Variants in TNFAIP8 observed in about 807,000 individuals in gnomAD.
The protein encoded by TNFAIP8 is tumor necrosis factor alpha-induced protein 8.
TNFAIP8 carries 7 observed loss-of-function variants against 13.3 expected under a neutral mutation model. The ratio of observed to expected loss-of-function variants is 0.52; its 90% CI spans 0.30 to 0.99. The LOEUF (loss-of-function observed/expected upper bound fraction) is 0.99, where lower values mean the gene tolerates loss of function less well. Among genes scored for constraint, TNFAIP8 ranks in the 50% least tolerant of loss-of-function variants. The probability of loss-of-function intolerance (pLI) is 0.07; values close to 1 mark genes in which losing one functional copy is unlikely to be tolerated. For missense variants in TNFAIP8, 258 were observed against 236.9 expected, an observed-to-expected ratio of 1.09 and a Z score of -0.58; for synonymous variants, 94 against 87.6, an observed-to-expected ratio of 1.07 and a Z score of -0.41.
At chr5:119,321,283 A>G (rs935374660) in intron 1 of TNFAIP8, among the ~76,000 whole-genome samples, 1 of 152,164 alleles carries the variant, frequency 6.6e-6, no homozygotes, top group Non-Finnish European at 1.5e-5. Flanking sequence ...ACTTGTGGGC[A>G]TCAGTTTTTG....
intron 1 of TNFAIP8, among the ~76,000 whole-genome samples, chr5:119,328,929 T>TGCCAGCATATTTATTGCA: frequency 6.6e-6 from 1 of 152,232 alleles, no homozygotes; most frequent in Non-Finnish European, 1.5e-5. Flanking sequence ...CACATTCAAG[T>TGCCAGCATATTTATTGCA]GCCAGCATAT....
chr5:119,291,672 T>G (rs995541938), intron 1 of TNFAIP8, among the ~76,000 whole-genome samples: 4 of 152,232 alleles, frequency 2.6e-5, no homozygotes, highest in Non-Finnish European at 5.9e-5. Flanking sequence ...ATAAAATTCC[T>G]TTTTAGGATT....
chr5:119,346,111 G>A (rs1750893252), intron 1 of TNFAIP8, among the ~76,000 whole-genome samples: 1 of 152,176 alleles, frequency 6.6e-6, no homozygotes, highest in South Asian at 2.1e-4. Flanking sequence ...TCCTGGGCTG[G>A]CAGAGAAGTC....
intron 1 of TNFAIP8, among the ~76,000 whole-genome samples, chr5:119,383,823 A>G (rs1752574406): frequency 6.6e-6 from 1 of 152,212 alleles, no homozygotes. Flanking sequence ...GTTTTAGGTT[A>G]TATTTTAAAA....
intron 1 of TNFAIP8, among the ~76,000 whole-genome samples, chr5:119,358,260 A>T (rs1751510372): frequency 6.6e-6 from 1 of 152,298 alleles, no homozygotes; most frequent in Admixed American, 6.5e-5. Flanking sequence ...TCTCAACTGT[A>T]GTGAGAGACT....
At chr5:119,313,810 C>A (rs1335828377) in intron 1 of TNFAIP8, among the ~76,000 whole-genome samples, 1 of 152,224 alleles carries the variant, frequency 6.6e-6, no homozygotes, top group African/African-American at 2.4e-5. Flanking sequence ...CAACAAGGCT[C>A]AAGCACATGA....
At chr5:119,350,087 G>A (rs1250868192) in intron 1 of TNFAIP8, among the ~76,000 whole-genome samples, 2 of 152,176 alleles carry the variant, frequency 1.3e-5, no homozygotes, top group Non-Finnish European at 2.9e-5. Flanking sequence ...TAATTTGGGA[G>A]TCTAAATAAA....
chr5:119,336,632 G>GCAC (rs1413418654), intron 1 of TNFAIP8, among the ~76,000 whole-genome samples: 1 of 152,126 alleles, frequency 6.6e-6, no homozygotes, highest in Non-Finnish European at 1.5e-5. Flanking sequence ...CATTAGCTGT[G>GCAC]AAGCACAAGA....
At chr5:119,372,007 G>A (rs1230249461) in intron 1 of TNFAIP8, among the ~76,000 whole-genome samples, 1 of 151,916 alleles carries the variant, frequency 6.6e-6, no homozygotes, top group Non-Finnish European at 1.5e-5. Context: ...CGTGGTGGCG[G>A]GCACCTACAG....
intron 1 of TNFAIP8, among the ~76,000 whole-genome samples, chr5:119,286,417 C>T (rs35688882): frequency 1.3e-5 from 2 of 152,040 alleles, no homozygotes; most frequent in South Asian, 2.1e-4. Flanking sequence ...GTCAGGAGAT[C>T]GAGACCATCC....
chr5:119,349,587 C>T (rs1751042081), intron 1 of TNFAIP8, among the ~76,000 whole-genome samples: 1 of 152,218 alleles, frequency 6.6e-6, no homozygotes, highest in African/African-American at 2.4e-5. Context: ...TGTTCTTTTC[C>T]TTGCTCCTGG....
chr5:119,318,671 C>G (rs1238608514), intron 1 of TNFAIP8, among the ~76,000 whole-genome samples: 6 of 137,954 alleles, frequency 4.3e-5, no homozygotes, highest in African/African-American at 7.9e-5. Context: ...TTCCTCCCCC[C>G]GCATCCTCCT....
At chr5:119,312,743 T>TACAAAAAAAAA (rs1749772031) in intron 1 of TNFAIP8, among the ~76,000 whole-genome samples, 1 of 19,762 alleles carries the variant, frequency 5.1e-5, no homozygotes, top group African/African-American at 2.4e-4. Context: ...CTGCAAAAAA[T>TACAAAAAAAAA]ACAAAAAAAA....
chr5:119,388,283 C>T (rs1752754372), intron 1 of TNFAIP8, among the ~76,000 whole-genome samples: 1 of 152,172 alleles, frequency 6.6e-6, no homozygotes, highest in African/African-American at 2.4e-5. Flanking sequence ...GGAAGAAAAA[C>T]CACATGTTTA....
intron 1 of TNFAIP8, among the ~76,000 whole-genome samples, chr5:119,300,611 C>T (rs371607180): frequency 7.2e-5 from 11 of 152,242 alleles, no homozygotes; most frequent in African/African-American, 1.4e-4. Flanking sequence ...TTTCCAGTCT[C>T]ATAATTAACA....
chr5:119,391,479 G>A, intron 1 of TNFAIP8: 1 of 699,454 alleles, frequency 1.4e-6, no homozygotes, highest in East Asian at 2.7e-5. Context: ...AGAGAAATGG[G>A]CCAGGTGCGG....
At chr5:119,373,185 A>C (rs6868057) in intron 1 of TNFAIP8, among the ~76,000 whole-genome samples, 8,248 of 152,172 alleles carry the variant, frequency 0.054, 691 homozygotes, top group African/African-American at 0.19. Flanking sequence ...CCTGCTGGCC[A>C]CACTGACTTT....
intron 1 of TNFAIP8, among the ~76,000 whole-genome samples, chr5:119,324,340 C>G (rs1750153174): frequency 6.9e-6 from 1 of 144,198 alleles, no homozygotes; most frequent in South Asian, 2.3e-4. Flanking sequence ...TCAACATTCC[C>G]AACTTCCCCC....
rs1408517927 is a variant in TNFAIP8, at chr5:119,394,691, C to T, written c.*1310C>T. 6.8e-6 allele frequency: 1 copy of T among 147,740 alleles called. No homozygotes were observed. The highest frequency in any genetic ancestry group is 1.5e-5 in the Non-Finnish European group (1 of 67,550). The allele number at this position is 147,740 out of a possible 1,614,324, so 9.2% of individuals were successfully genotyped here. A position where few individuals can be genotyped will look rare whatever the true frequency, so the allele number is the denominator to read the frequency against. ...GCATGATTTTGGCTCACTGCAACCTCTGCCTCCCAGGTTCAAGTGATTCTC... is the reference window on the plus strand; with the variant it reads ...GCATGATTTTGGCTCACTGCAACCTTTGCCTCCCAGGTTCAAGTGATTCTC... On this transcript the variant is annotated 3_prime_UTR_variant, in exon 2 of 2. Coordinates refer to ENST00000504771, the MANE Select transcript of TNFAIP8 (RefSeq NM_014350.4).
Sources: allele counts gnomAD v4.1 joint callset (sites outside exome capture counted in the v4.1 genomes callset), GRCh38; gene constraint gnomAD v4.1.1; transcripts MANE v1.5; gene names NCBI Gene and HGNC (gene_info 2026-07-23, HGNC 2026-07-21).